ADORA2B: variants seen among roughly 807,000 people sequenced by gnomAD.
ADORA2B encodes the protein adenosine receptor A2b.
ADORA2B carries 18 observed loss-of-function variants against 20.8 expected under a neutral mutation model. The ratio of observed to expected loss-of-function variants is 0.87; its 90% CI spans 0.60 to 1.29. The LOEUF (loss-of-function observed/expected upper bound fraction) is 1.29, where lower values mean the gene tolerates loss of function less well. Among genes scored for constraint, ADORA2B ranks in the 50% most tolerant of loss-of-function variants. The probability of loss-of-function intolerance (pLI) is 0.00; values close to 1 mark genes in which losing one functional copy is unlikely to be tolerated. For missense variants in ADORA2B, 441 were observed against 422.7 expected, an observed-to-expected ratio of 1.04 and a Z score of -0.38; for synonymous variants, 179 against 178.3, an observed-to-expected ratio of 1.00 and a Z score of -0.03.
chr17:15,946,412 C>T (rs1969807278), intron 1 of ADORA2B, among the ~76,000 whole-genome samples: 1 of 152,206 alleles, frequency 6.6e-6, no homozygotes, highest in Non-Finnish European at 1.5e-5. Flanking sequence ...CAGCCAGCGA[C>T]CAGAGTGGAT....
chr17:15,918,871 G>A, the ADORA2B span, among the ~76,000 whole-genome samples: 1 of 152,132 alleles, frequency 6.6e-6, no homozygotes, highest in African/African-American at 2.4e-5. Flanking sequence ...GCTGGCAGCC[G>A]TGTAAGAGCC....
intron 1 of ADORA2B, among the ~76,000 whole-genome samples, chr17:15,966,481 A>G (rs555755130): frequency 6.6e-6 from 1 of 152,306 alleles, no homozygotes; most frequent in East Asian, 1.9e-4. Context: ...GCCTGGTTTG[A>G]GCTGAGGGCC....
chr17:15,935,505 T>G, the ADORA2B span, among the ~76,000 whole-genome samples: 366 of 152,258 alleles, frequency 2.4e-3, 1 homozygote, highest in African/African-American at 8.4e-3. Context: ...CTTTTGACAA[T>G]TTGACTGCAG....
At chr17:15,925,927 T>G in the ADORA2B span, among the ~76,000 whole-genome samples, 2 of 151,990 alleles carry the variant, frequency 1.3e-5, no homozygotes, top group African/African-American at 4.8e-5. Flanking sequence ...CCGAGATCTC[T>G]CTACTGCACT....
At chr17:15,916,701 C>T in the ADORA2B span, among the ~76,000 whole-genome samples, 203 of 152,332 alleles carry the variant, frequency 1.3e-3, 2 homozygotes, top group Middle Eastern at 0.014. Flanking sequence ...GGCTGTCTGC[C>T]TGTGGATTTC....
Position 15,972,236 on chromosome 17 carries a change from C to T in ADORA2B, c.336-2443C>T, listed in dbSNP as rs116556423. 9.3e-3 allele frequency among the ~76,000 whole-genome samples: 1,410 copies of T among 152,202 alleles called. 26 individuals carry two copies. Among genetic ancestry groups the T allele is most frequent in the African/African-American group, 0.032 (1,345 of 41,518 alleles). On this transcript the variant is annotated intron_variant, in intron 1 of 1. Transcript: ENST00000304222. The stretch of plus-strand genomic sequence containing the variant: ...TTGGTTAAGAATGGCAGGCACTGGA[C>T]GTGTGGAGCCGAGGCTGGGGGGTTC...
At chr17:15,927,536 A>G in the ADORA2B span, among the ~76,000 whole-genome samples, 29 of 152,180 alleles carry the variant, frequency 1.9e-4, no homozygotes, top group African/African-American at 6.0e-4. Context: ...AATCCCAGCT[A>G]CTTGCAAGGC....
the ADORA2B span, among the ~76,000 whole-genome samples, chr17:15,895,026 A>G: frequency 6.6e-6 from 1 of 152,154 alleles, no homozygotes; most frequent in Non-Finnish European, 1.5e-5. Context: ...GAATCAGGAA[A>G]GAGTTGATGC....
At chr17:15,941,792 G>T (rs2151588411), upstream of ADORA2B, among the ~76,000 whole-genome samples, 1 of 150,902 alleles carries the variant, frequency 6.6e-6, no homozygotes, top group East Asian at 1.9e-4. Context: ...TCCTCCTCGT[G>T]TTTCCTGAAT....
Position 15,945,408 on chromosome 17 carries a change from G to A in ADORA2B, c.160G>A (p.Val54Met). Reference protein sequence around the residue: ...YFLVSLAAADVAVGLFAIPFA... With the variant: ...YFLVSLAAADMAVGLFAIPFA... ...CCTGGTGTCCCTGGCTGCGGCCGAC[G>A]TGGCCGTGGGGCTCTTCGCCATCCC... Residue 54 changes from valine to methionine, a missense_variant, in exon 1 of 2, where the codon GTG becomes ATG. Coordinates refer to ENST00000304222, the MANE Select transcript of ADORA2B (RefSeq NM_000676.4). 6.2e-7 allele frequency: 1 copy of A among 1,613,482 alleles called. No homozygotes were observed. The highest frequency in any genetic ancestry group is 8.5e-7 in the Non-Finnish European group (1 of 1,179,964).
At chr17:15,905,524 T>G in the ADORA2B span, among the ~76,000 whole-genome samples, 1 of 150,050 alleles carries the variant, frequency 6.7e-6, no homozygotes, top group Non-Finnish European at 1.5e-5. Flanking sequence ...GGACTATAGG[T>G]GCACGCCACC....
At chr17:15,886,248 TC>T in the ADORA2B span, among the ~76,000 whole-genome samples, 1 of 132,702 alleles carries the variant, frequency 7.5e-6, no homozygotes, top group Non-Finnish European at 1.6e-5. Context: ...TTGTAGTGGC[TC>T]GCCCTTTCCT....
At chr17:15,923,206 A>ATTTTTTTTTTTTTTTTTTT in the ADORA2B span, among the ~76,000 whole-genome samples, 15 of 113,510 alleles carry the variant, frequency 1.3e-4, no homozygotes, top group Middle Eastern at 4.7e-3. Flanking sequence ...TCTTTTTTTA[A>ATTTTTTTTTTTTTTTTTTT]TTTTTTTTTT....
chr17:15,867,542 C>T, the ADORA2B span, among the ~76,000 whole-genome samples: 8 of 147,312 alleles, frequency 5.4e-5, no homozygotes, highest in East Asian at 1.1e-3. Context: ...GGAGCGTCTC[C>T]GCCCGGCAGC....
At chr17:15,968,370 C>A (rs1346413403) in intron 1 of ADORA2B, among the ~76,000 whole-genome samples, 1 of 152,214 alleles carries the variant, frequency 6.6e-6, no homozygotes, top group East Asian at 1.9e-4. Flanking sequence ...CTGCAACCAA[C>A]CCCCTGTGTG....
At chr17:15,884,498 CA>C in the ADORA2B span, among the ~76,000 whole-genome samples, 1 of 152,098 alleles carries the variant, frequency 6.6e-6, no homozygotes, top group Non-Finnish European at 1.5e-5. Flanking sequence ...CACAGATCAA[CA>C]AATCACCCAT....
the ADORA2B span, among the ~76,000 whole-genome samples, chr17:15,926,269 G>A: frequency 1.8e-3 from 267 of 152,094 alleles, 2 homozygotes; most frequent in African/African-American, 6.1e-3. Context: ...CCCTTTTGGA[G>A]CTCACACTCT....
rs560294680 is a variant in ADORA2B at position 15,958,647 on chromosome 17, C to G, written c.335+13064C>G. ...TACCCTGACTTCTCAGGACCCCTCT[C>G]AATTCCTGAGACTTCTGGAGCTCAG... On this transcript the variant is annotated intron_variant, in intron 1 of 1. Transcript: ENST00000304222. Among the ~76,000 whole-genome samples the G allele has an allele frequency of 2.1e-4, 32 of 152,286 alleles. 1 individual carries two copies. The highest frequency in any genetic ancestry group is 3.4e-3 in the Middle Eastern group (1 of 294).
the ADORA2B span, among the ~76,000 whole-genome samples, chr17:15,881,129 T>C: frequency 1.3e-5 from 2 of 152,090 alleles, no homozygotes; most frequent in African/African-American, 4.8e-5. Context: ...TGAGACGGAG[T>C]CTTTCTCTGT....
Sources: gnomAD v4.1 joint callset for allele counts (sites outside exome capture counted in the v4.1 genomes callset) on GRCh38, gnomAD v4.1.1 for gene constraint, MANE v1.5 for transcripts, NCBI Gene and HGNC (gene_info 2026-07-23, HGNC 2026-07-21) for gene names.